Variants in STS observed in about 807,000 individuals in gnomAD.
STS encodes the protein steroid sulfatase, also known as steryl-sulfatase.
STS carries 7 observed loss-of-function variants against 26.8 expected under a neutral mutation model. That is an observed-to-expected ratio of 0.26 (90% CI 0.15 to 0.49). The LOEUF is 0.49. Ranked by LOEUF, STS falls within the 20% of genes least tolerant of loss-of-function variation. The probability of loss-of-function intolerance (pLI) is 0.98; values close to 1 mark genes in which losing one functional copy is unlikely to be tolerated. For missense variants in STS, 434 were observed against 465.6 expected (o/e 0.93, Z 0.63); for synonymous variants, 199 against 189.4 (o/e 1.05, Z -0.42).
intron 10 of STS, among the ~76,000 whole-genome samples, chrX:7,347,021 A>G (rs1303238021): frequency 3.6e-5 from 4 of 112,354 alleles, no homozygotes; most frequent in African/African-American, 1.3e-4. Context: ...GTGAGCTATG[A>G]TCATACCACT....
intron 2 of STS, among the ~76,000 whole-genome samples, chrX:7,216,203 C>G (rs1464393052): frequency 8.0e-5 from 9 of 111,962 alleles, no homozygotes; most frequent in African/African-American, 2.9e-4. Context: ...ACCTGCACCC[C>G]CTTTTTATCA....
chrX:7,276,119 C>G, intron 7 of STS, 32 bp downstream of exon 7: 1 of 1,204,652 alleles, frequency 8.3e-7, no homozygotes. Context: ...GCTTAGAAAG[C>G]TGCTAAGTCT....
rs1340626729 is a variant in STS, at chrX:7,166,496, C to T, written c.-134+18413C>T. On this transcript the variant is annotated intron_variant, in intron 1 of 10. Transcript: ENST00000674429. ...ACTGAAGTATGGGGATATGCAAAGC[C>T]ATTTGTCTTAATTGGCAGACAGGAT... is the stretch of plus-strand genomic sequence containing the variant. 3.6e-5 allele frequency among the ~76,000 whole-genome samples: 4 copies of T among 111,466 alleles called. No individual in the cohort carries two copies. In the Admixed American group the frequency reaches 3.8e-4, roughly 11 times the overall value.
chrX:7,347,203 C>G (rs1248763411), intron 10 of STS, among the ~76,000 whole-genome samples: 4 of 111,385 alleles, frequency 3.6e-5, no homozygotes, highest in Non-Finnish European at 7.5e-5. Context: ...TGCTGGGTTC[C>G]TGGTGAATAA....
intron 8 of STS, among the ~76,000 whole-genome samples, chrX:7,324,004 C>G (rs1434590019): frequency 8.9e-6 from 1 of 111,940 alleles, no homozygotes; most frequent in East Asian, 2.8e-4. Context: ...TGAAGAGATT[C>G]ATTCTGAGCC....
intron 10 of STS, among the ~76,000 whole-genome samples, chrX:7,344,375 A>G (rs1275256334): frequency 9.0e-6 from 1 of 111,500 alleles, no homozygotes; most frequent in African/African-American, 3.3e-5. Context: ...CACTGCAGCT[A>G]TGACCACAAA....
chrX:7,193,828 T>C (rs1177220975), intron 2 of STS, among the ~76,000 whole-genome samples: 2 of 111,841 alleles, frequency 1.8e-5, no homozygotes. Flanking sequence ...TTGGGGATTG[T>C]CAGGAGAACA....
At chrX:7,324,855 G>A (rs1927318310) in intron 8 of STS, among the ~76,000 whole-genome samples, 1 of 111,670 alleles carries the variant, frequency 9.0e-6, no homozygotes, top group Admixed American at 9.5e-5. Flanking sequence ...ACAATGCAGG[G>A]TAATCTCCTC....
At chrX:7,169,886 T>G in intron 1 of STS, among the ~76,000 whole-genome samples, 3 of 92,212 alleles carry the variant, frequency 3.3e-5, no homozygotes, top group African/African-American at 8.0e-5. Flanking sequence ...GGTGGCATGT[T>G]TGTTGGTGGG....
intron 2 of STS, among the ~76,000 whole-genome samples, chrX:7,212,083 A>G (rs1309033257): frequency 2.7e-5 from 3 of 112,061 alleles, no homozygotes; most frequent in African/African-American, 9.7e-5. Context: ...AAGAAATATA[A>G]TATGCGCTGA....
chrX:7,182,973 A>G (rs943786311), intron 1 of STS, among the ~76,000 whole-genome samples: 2 of 111,740 alleles, frequency 1.8e-5, no homozygotes, highest in African/African-American at 6.5e-5. Flanking sequence ...GCCCCATCCA[A>G]TATGATTGGC....
chrX:7,236,727 G>A (rs924576289), intron 2 of STS, among the ~76,000 whole-genome samples: 1 of 112,110 alleles, frequency 8.9e-6, no homozygotes, highest in African/African-American at 3.2e-5. Flanking sequence ...TCCTGATAAA[G>A]TATTTAAGTG....
chrX:7,332,186 C>CT lies in STS; in HGVS notation c.1242-1799dup, dbSNP rs1438179382. Among the ~76,000 whole-genome samples, 4 of 109,626 alleles carry CT rather than the reference C, an allele frequency of 3.6e-5. No homozygotes were observed. The South Asian group carries it at 1.2e-3, about 33-fold the overall frequency. ...TCCAAAAAAAAAAAATGAAAAATAG[C>CT]TGGGCATGGTGGCATGTACCTGTAG... On this transcript the variant is annotated intron_variant, in intron 9 of 10. Coordinates refer to ENST00000674429, the MANE Select transcript of STS (RefSeq NM_001320752.2).
intron 1 of STS, among the ~76,000 whole-genome samples, chrX:7,178,144 A>G (rs1236227551): frequency 8.9e-6 from 1 of 112,393 alleles, no homozygotes; most frequent in Non-Finnish European, 1.9e-5. Flanking sequence ...TATCTGATGG[A>G]TATAGAGAGA....
At chrX:7,307,008 C>G (rs1002096118) in intron 8 of STS, among the ~76,000 whole-genome samples, 5 of 111,212 alleles carry the variant, frequency 4.5e-5, no homozygotes, top group Admixed American at 9.6e-5. Context: ...ACATCTGGAG[C>G]CCTATGACCG....
intron 1 of STS, among the ~76,000 whole-genome samples, chrX:7,156,828 C>T (rs1933145055): frequency 9.0e-6 from 1 of 111,446 alleles, no homozygotes; most frequent in African/African-American, 3.3e-5. Flanking sequence ...TTTGATCTGC[C>T]CCCAACCATG....
At chrX:7,188,109 T>TA (rs1435065501) in intron 1 of STS, among the ~76,000 whole-genome samples, 5 of 112,279 alleles carry the variant, frequency 4.5e-5, no homozygotes, top group African/African-American at 1.6e-4. Context: ...CTTATTTTCA[T>TA]ATAACTTGTG....
chrX:7,163,586 C>A (rs1933291800), intron 1 of STS, among the ~76,000 whole-genome samples: 1 of 112,351 alleles, frequency 8.9e-6, no homozygotes, highest in Non-Finnish European at 1.9e-5. Context: ...GGTGGCTTTT[C>A]CAGTACCTGA....
Position 7,232,737 on chromosome X carries a change from A to G in STS, c.-4-20459A>G, listed in dbSNP as rs771533506. 1.1e-4 allele frequency among the ~76,000 whole-genome samples: 12 copies of G among 111,907 alleles called. 1 individual carries two copies. The highest frequency in any genetic ancestry group is 3.3e-4 in the African/African-American group (10 of 30,766). ...TAGTAAAAAAGGGAGTGCAGGTGGT[A>G]TGGTTTGGCTGTGTCCCCACCACAA... On this transcript the variant is annotated intron_variant, in intron 2 of 10. Transcript: ENST00000674429.
Sources: gnomAD v4.1 joint callset for allele counts (sites outside exome capture counted in the v4.1 genomes callset) on GRCh38, gnomAD v4.1.1 for gene constraint, MANE v1.5 for transcripts, NCBI Gene and HGNC (gene_info 2026-07-23, HGNC 2026-07-21) for gene names.